Variants in FBXL7 observed in about 807,000 individuals in gnomAD.
The protein encoded by FBXL7 is F-box/LRR-repeat protein 7.
FBXL7 carries 12 observed loss-of-function variants against 38.3 expected under a neutral mutation model. That is an observed-to-expected ratio of 0.31 (90% CI 0.20 to 0.51). The LOEUF (loss-of-function observed/expected upper bound fraction) is 0.51. Ranked by LOEUF, FBXL7 falls within the 20% of genes least tolerant of loss-of-function variation. FBXL7 has a pLI of 0.98. For missense variants in FBXL7, 567 were observed against 676.4 expected, an observed-to-expected ratio of 0.84 and a Z score of 1.79; for synonymous variants, 297 against 300.9, an observed-to-expected ratio of 0.99 and a Z score of 0.13.
chr5:15,800,525 G>A (rs1737535776), intron 2 of FBXL7, among the ~76,000 whole-genome samples: 1 of 152,232 alleles, frequency 6.6e-6, no homozygotes, highest in African/African-American at 2.4e-5. Flanking sequence ...GGTCACTAAT[G>A]TTGATTGAAC....
At chr5:15,754,736 A>G (rs1177265541) in intron 2 of FBXL7, among the ~76,000 whole-genome samples, 2 of 152,220 alleles carry the variant, frequency 1.3e-5, no homozygotes, top group African/African-American at 2.4e-5. Context: ...TACAAGCACA[A>G]GCACGTACAT....
At chr5:15,619,008 C>T (rs999009191) in intron 2 of FBXL7, among the ~76,000 whole-genome samples, 2 of 152,130 alleles carry the variant, frequency 1.3e-5, no homozygotes, top group Admixed American at 6.5e-5. Flanking sequence ...AGTTCATGTG[C>T]CCCCATTTAA....
At position 15,667,248 on chromosome 5, in the gene FBXL7, G is replaced by A. The variant is rs556985416; in HGVS notation, c.127+51176G>A. On this transcript the variant is annotated intron_variant, in intron 2 of 3. Transcript: ENST00000504595. ...TTTTCTTTTTATGGTGATAATGCCT[G>A]CCAGAACTTTGGTCTCAAACTTAAG... is the stretch of plus-strand genomic sequence containing the variant. 5.9e-5 allele frequency among the ~76,000 whole-genome samples: 9 copies of A among 152,222 alleles called. No homozygotes were observed. In the East Asian group the frequency reaches 1.5e-3, roughly 26 times the overall value.
intron 1 of FBXL7, among the ~76,000 whole-genome samples, chr5:15,526,203 C>T (rs746041016): frequency 3.2e-4 from 48 of 151,876 alleles, no homozygotes; most frequent in Non-Finnish European, 6.3e-4. Flanking sequence ...GCCAGGGGGA[C>T]GCAATGTGTG....
At chr5:15,673,960 G>A (rs532265313) in intron 2 of FBXL7, among the ~76,000 whole-genome samples, 46 of 152,258 alleles carry the variant, frequency 3.0e-4, no homozygotes, top group African/African-American at 7.0e-4. Flanking sequence ...GAGAACGTGC[G>A]TTTGGATGTA....
At chr5:15,906,186 A>G (rs897602000) in intron 2 of FBXL7, among the ~76,000 whole-genome samples, 2 of 151,988 alleles carry the variant, frequency 1.3e-5, no homozygotes, top group Admixed American at 6.6e-5. Context: ...TTTTTTAATG[A>G]TATTGCAAAA....
chr5:15,691,269 C>T (rs1743175224), intron 2 of FBXL7, among the ~76,000 whole-genome samples: 1 of 152,234 alleles, frequency 6.6e-6, no homozygotes, highest in Admixed American at 6.5e-5. Flanking sequence ...GGCCTAGCAT[C>T]ACTGAGTGGT....
chr5:15,743,831 C>T (rs62350580), intron 2 of FBXL7, among the ~76,000 whole-genome samples: 7,985 of 152,308 alleles, frequency 0.052, 689 homozygotes, highest in African/African-American at 0.18. Flanking sequence ...TCCCAGACTT[C>T]AGTTCTTGAC....
chr5:15,842,277 T>C (rs1323630915), intron 2 of FBXL7, among the ~76,000 whole-genome samples: 1 of 152,210 alleles, frequency 6.6e-6, no homozygotes, highest in African/African-American at 2.4e-5. Flanking sequence ...ACTTGAAGAT[T>C]TAATGACTGC....
intron 1 of FBXL7, among the ~76,000 whole-genome samples, chr5:15,567,780 T>G (rs1738634919): frequency 6.6e-6 from 1 of 151,604 alleles, no homozygotes; most frequent in South Asian, 2.1e-4. Context: ...TGGTGTGTGA[T>G]GTTCCCCTTC....
At chr5:15,848,485 G>A (rs1376076193) in intron 2 of FBXL7, among the ~76,000 whole-genome samples, 1 of 152,044 alleles carries the variant, frequency 6.6e-6, no homozygotes, top group Non-Finnish European at 1.5e-5. Flanking sequence ...AGGTTCAAGC[G>A]ATTCTCCTGC....
intron 1 of FBXL7, among the ~76,000 whole-genome samples, chr5:15,515,601 T>C (rs1463513785): frequency 6.6e-6 from 1 of 151,980 alleles, no homozygotes; most frequent in African/African-American, 2.4e-5. Flanking sequence ...GAGTATTCAG[T>C]AGAATACTGA....
chr5:15,620,208 C>A (rs890834452), intron 2 of FBXL7, among the ~76,000 whole-genome samples: 12 of 151,038 alleles, frequency 7.9e-5, no homozygotes, highest in Non-Finnish European at 1.5e-4. Flanking sequence ...ATATCTGAGT[C>A]ATCACAAACT....
intron 2 of FBXL7, among the ~76,000 whole-genome samples, chr5:15,636,249 C>T (rs1741186372): frequency 6.6e-6 from 1 of 152,058 alleles, no homozygotes; most frequent in South Asian, 2.1e-4. Flanking sequence ...TGTATCTTTC[C>T]TCTGTGTCTC....
At chr5:15,825,268 A>G (rs181563701) in intron 2 of FBXL7, among the ~76,000 whole-genome samples, 1 of 152,202 alleles carries the variant, frequency 6.6e-6, no homozygotes. Flanking sequence ...TGTTGTAGTC[A>G]CTCTTATTCC....
intron 1 of FBXL7, among the ~76,000 whole-genome samples, chr5:15,564,589 A>G (rs1480914471): frequency 2.6e-5 from 4 of 151,912 alleles, no homozygotes; most frequent in African/African-American, 9.7e-5. Flanking sequence ...AAAAGAAACC[A>G]ACAAAACCTT....
intron 2 of FBXL7, among the ~76,000 whole-genome samples, chr5:15,722,875 A>T (rs1315458063): frequency 6.6e-6 from 1 of 151,108 alleles, no homozygotes; most frequent in Admixed American, 6.7e-5. Flanking sequence ...GTGAGCCGAG[A>T]TCGCGCCACT....
intron 2 of FBXL7, among the ~76,000 whole-genome samples, chr5:15,847,836 C>T (rs1738959064): frequency 6.6e-6 from 1 of 152,074 alleles, no homozygotes; most frequent in African/African-American, 2.4e-5. Context: ...TTATGGGAGC[C>T]TCTTGGAGCA....
chr5:15,508,530 ATGGGAAGG>A (rs910723276), intron 1 of FBXL7, among the ~76,000 whole-genome samples: 1 of 152,082 alleles, frequency 6.6e-6, no homozygotes, highest in African/African-American at 2.4e-5. Context: ...GCCCTCTCAA[ATGGGAAGG>A]TGGTAATCAC....
Sources: gnomAD v4.1 joint callset for allele counts (sites outside exome capture counted in the v4.1 genomes callset) on GRCh38, gnomAD v4.1.1 for gene constraint, MANE v1.5 for transcripts, NCBI Gene and HGNC (gene_info 2026-07-23, HGNC 2026-07-21) for gene names.